Variants in KCNQ1 observed in about 807,000 individuals in gnomAD.
KCNQ1 encodes potassium voltage-gated channel subfamily KQT member 1.
In KCNQ1, 49 loss-of-function variants were observed where a neutral mutation model predicts 72.4. The ratio of observed to expected loss-of-function variants is 0.68; its 90% CI spans 0.54 to 0.86. The LOEUF is 0.86. Among genes scored for constraint, KCNQ1 ranks in the 40% least tolerant of loss-of-function variants. The pLI is 0.00. For synonymous variants in KCNQ1, 450 were observed against 412.6 expected (o/e 1.09, Z -1.10); for missense variants, 790 against 945.1 (o/e 0.84, Z 2.15).
intron 11 of KCNQ1, chr11:2,688,233 A>G (rs547859802): frequency 2.5e-6 from 1 of 398,784 alleles, no homozygotes; most frequent in African/African-American, 2.1e-5. Context: ...GTAGCCACTC[A>G]TACAGGGCTG....
At chr11:2,841,252 C>T (rs1200464863) in intron 15 of KCNQ1, among the ~76,000 whole-genome samples, 1 of 152,144 alleles carries the variant, frequency 6.6e-6, no homozygotes, top group African/African-American at 2.4e-5. Flanking sequence ...TGCTCAGTGC[C>T]GGAGAGGGGC....
chr11:2,603,760 G>C lies in KCNQ1; in HGVS notation c.1393+14906G>C, dbSNP rs1564830731. Among the ~76,000 whole-genome samples the C allele has an allele frequency of 6.6e-6, 1 of 151,648 alleles. No homozygotes were observed. Among genetic ancestry groups the C allele is most frequent in the Non-Finnish European group, 1.5e-5 (1 of 67,928 alleles). On this transcript the variant is annotated intron_variant, in intron 10 of 15. Transcript: ENST00000155840. The surrounding 1 kb of genome is among the most constrained non-coding windows in gnomAD (Gnocchi z 4.1). The stretch of plus-strand genomic sequence containing the variant: ...GGCTGGAGTGCAGTGGCGCGATGTC[G>C]GCTCACTGCAACCTCCGCCTCCCGG...
chr11:2,749,536 G>C (rs112790759), intron 11 of KCNQ1, among the ~76,000 whole-genome samples: 1 of 151,792 alleles, frequency 6.6e-6, no homozygotes, highest in South Asian at 2.1e-4. Context: ...TTGGCCGGGC[G>C]TGCTGCCTCA....
At position 2,567,182 on chromosome 11, in the gene KCNQ1, G is replaced by A. The variant is rs1848260884; in HGVS notation, c.478-3446G>A. Among the ~76,000 whole-genome samples, 1 of 152,130 alleles carries A rather than the reference G, an allele frequency of 6.6e-6. No individual in the cohort carries two copies. Among genetic ancestry groups the A allele is most frequent in the Non-Finnish European group, 1.5e-5 (1 of 67,992 alleles). ...GCTATGGCAGCTGCTTGAGCAAGGT[G>A]GGCAAGGGAGAAGTACCAAATGTGT... On this transcript the variant is annotated intron_variant, in intron 2 of 15. Coordinates refer to ENST00000155840, the MANE Select transcript of KCNQ1 (RefSeq NM_000218.3). The surrounding 1 kb of genome is among the most constrained non-coding windows in gnomAD (Gnocchi z 6.6).
chr11:2,830,552 G>T lies in KCNQ1; in HGVS notation c.1795-17215G>T, dbSNP rs941469387. 2.0e-5 allele frequency among the ~76,000 whole-genome samples: 3 copies of T among 152,108 alleles called. No homozygotes were observed. The highest frequency in any genetic ancestry group is 4.4e-5 in the Non-Finnish European group (3 of 68,008). On this transcript the variant is annotated intron_variant, in intron 15 of 15. Transcript: ENST00000155840. The surrounding 1 kb of genome is among the most constrained non-coding windows in gnomAD (Gnocchi z 7.7). ...CTCCAGCCCCGGGAGCAGGAAGGGC[G>T]GGCTGGGAGCTGCAGGATGGGGCCT...
chr11:2,508,299 G>A lies in KCNQ1; in HGVS notation c.387-19629G>A, dbSNP rs978354519. On this transcript the variant is annotated intron_variant, in intron 1 of 15. Coordinates refer to ENST00000155840, the MANE Select transcript of KCNQ1 (RefSeq NM_000218.3). This position sits in a 1 kb window ranked among gnomAD's most constrained non-coding sequence, Gnocchi z 6.2. ...TGGCTTGTCTGACTTGCCGTTACCC[G>A]GCGGAGATATGTCTTGGAAAGACTT... is the stretch of plus-strand genomic sequence containing the variant. 3.3e-5 allele frequency among the ~76,000 whole-genome samples: 5 copies of A among 152,164 alleles called. No individual in the cohort carries two copies. The highest frequency in any genetic ancestry group is 5.9e-5 in the Non-Finnish European group (4 of 68,028).
rs1378451305 is a variant in KCNQ1, at chr11:2,445,033, C to T, written c.-66C>T. On this transcript the variant is annotated 5_prime_UTR_variant, in exon 1 of 16. Coordinates refer to ENST00000155840, the MANE Select transcript of KCNQ1 (RefSeq NM_000218.3). The stretch of plus-strand genomic sequence containing the variant: ...AGTGGCTGCCCGCACTGCGCCCGGG[C>T]GCTCGCCTTCGCTGCAGCTCCCGGT... The T allele has an allele frequency of 4.9e-6, 5 of 1,013,038 alleles. No homozygotes were observed. The highest frequency in any genetic ancestry group is 5.9e-6 in the Non-Finnish European group (5 of 845,680). The allele number at this position is 1,013,038 out of a possible 1,614,324, so 62.8% of individuals were successfully genotyped here. A position where few individuals can be genotyped will look rare whatever the true frequency, so the allele number is the denominator to read the frequency against.
intron 11 of KCNQ1, chr11:2,699,916 C>T (rs1850764984): frequency 7.5e-6 from 3 of 398,366 alleles, no homozygotes; most frequent in African/African-American, 2.1e-5. Flanking sequence ...CCGGCAGAAT[C>T]GCGCTGAGGG....
In KCNQ1 at chr11:2,654,095, C is replaced by T. The variant is rs117852175; in HGVS notation, c.1394-7866C>T. The T allele has an allele frequency of 2.2e-3, 890 of 398,758 alleles. 1 individual carries two copies. Among genetic ancestry groups the T allele is most frequent in the Middle Eastern group, 3.1e-3 (5 of 1,588 alleles). The allele number at this position is 398,758 out of a possible 1,614,324, so 24.7% of individuals were successfully genotyped here. On this transcript the variant is annotated intron_variant, in intron 10 of 15. Coordinates refer to ENST00000155840, the MANE Select transcript of KCNQ1 (RefSeq NM_000218.3). This position sits in a 1 kb window ranked among gnomAD's most constrained non-coding sequence, Gnocchi z 6.4. ...CTTTCCATCCATGTCCCTTACTTCTCGCCTCTGAGTGGAGACACAGGTGGT... is the reference window on the plus strand; with the variant it reads ...CTTTCCATCCATGTCCCTTACTTCTTGCCTCTGAGTGGAGACACAGGTGGT...
intron 10 of KCNQ1, chr11:2,616,300 T>C (rs1392662999): frequency 5.0e-6 from 2 of 397,924 alleles, no homozygotes; most frequent in Non-Finnish European, 8.9e-6. Context: ...TTAGTCATTC[T>C]AGTTAAAGGT....
intron 10 of KCNQ1, chr11:2,633,625 C>A (rs1005269558): frequency 2.3e-5 from 9 of 398,356 alleles, no homozygotes; most frequent in African/African-American, 1.9e-4. Flanking sequence ...ACATGGTGTC[C>A]TTTCCCCAGA....
Position 2,651,199 on chromosome 11 carries a change from T to C in KCNQ1, c.1394-10762T>C. ...CTACTCAAATGTTCCGACAGCTTCC[T>C]GTCACCCTGTCTTGTGTCAGTCTCA... On this transcript the variant is annotated intron_variant, in intron 10 of 15. Coordinates refer to ENST00000155840, the MANE Select transcript of KCNQ1 (RefSeq NM_000218.3). The surrounding 1 kb of genome is among the most constrained non-coding windows in gnomAD (Gnocchi z 6.1). 1 of 396,984 alleles carries C rather than the reference T, an allele frequency of 2.5e-6. No individual in the cohort carries two copies. The highest frequency in any genetic ancestry group is 4.4e-6 in the Non-Finnish European group (1 of 225,384). 24.6% of individuals were successfully genotyped at this position (396,984 alleles called of 1,614,324 possible). A position where few individuals can be genotyped will look rare whatever the true frequency, so the allele number is the denominator to read the frequency against.
chr11:2,474,336 T>C (rs1372318932), intron 1 of KCNQ1, among the ~76,000 whole-genome samples: 4 of 152,146 alleles, frequency 2.6e-5, no homozygotes, highest in African/African-American at 9.7e-5. Flanking sequence ...CTAGGGCAGA[T>C]GCCAGGGCAG....
intron 1 of KCNQ1, among the ~76,000 whole-genome samples, chr11:2,511,864 C>T (rs891772399): frequency 5.3e-5 from 8 of 152,196 alleles, no homozygotes; most frequent in Admixed American, 5.2e-4. Context: ...CCTGTGGAGC[C>T]CGGCCTGGCC....
In KCNQ1 at chr11:2,549,569, C is replaced by T. The variant is rs193044448; in HGVS notation, c.478-21059C>T. Among the ~76,000 whole-genome samples, 840 of 150,668 alleles carry T rather than the reference C, an allele frequency of 5.6e-3. 5 individuals are homozygous for T. The highest frequency in any genetic ancestry group is 9.5e-3 in the Non-Finnish European group (648 of 67,870). ...GTGGGCAGGTCCTGTTGTGGAGCCT[C>T]GTGACCTGCTCATAGCACAGCTGGG... On this transcript the variant is annotated intron_variant, in intron 2 of 15. Transcript: ENST00000155840. This position sits in a 1 kb window ranked among gnomAD's most constrained non-coding sequence, Gnocchi z 6.2.
At chr11:2,835,719 T>G (rs1848049929) in intron 15 of KCNQ1, among the ~76,000 whole-genome samples, 1 of 152,086 alleles carries the variant, frequency 6.6e-6, no homozygotes, top group East Asian at 1.9e-4. Context: ...GAAAGGGTAC[T>G]GGGAGGGCCC....
At chr11:2,460,001 C>G (rs555898507) in intron 1 of KCNQ1, among the ~76,000 whole-genome samples, 2 of 152,328 alleles carry the variant, frequency 1.3e-5, no homozygotes, top group East Asian at 3.9e-4. Flanking sequence ...CTCCTCTAGG[C>G]TCCAGAGCCG....
chr11:2,749,531 CGGGCGTGCT>C (rs1846190437), intron 11 of KCNQ1, among the ~76,000 whole-genome samples: 1 of 151,174 alleles, frequency 6.6e-6, no homozygotes, highest in Non-Finnish European at 1.5e-5. Flanking sequence ...GAGGCTTGGC[CGGGCGTGCT>C]GCCTCACGCC....
At chr11:2,504,658 G>A (rs77132723) in intron 1 of KCNQ1, among the ~76,000 whole-genome samples, 1,528 of 152,258 alleles carry the variant, frequency 0.01, 25 homozygotes, top group African/African-American at 0.028. Context: ...TTGGGTGGCC[G>A]AGGCATGAGA....
Sources: gnomAD v4.1 joint callset for allele counts (sites outside exome capture counted in the v4.1 genomes callset) on GRCh38, gnomAD v4.1.1 for gene constraint, Gnocchi (gnomAD v3.1) non-coding constraint, MANE v1.5 for transcripts, NCBI Gene and HGNC (gene_info 2026-07-23, HGNC 2026-07-21) for gene names.